The following SMAD5 variants were observed in gnomAD, a reference collection of about 807,000 sequenced individuals.
SMAD5 encodes the protein SMAD family member 5.
A neutral mutation model predicts 43.1 loss-of-function variants in SMAD5; 9 were observed. That is an observed-to-expected ratio of 0.21 (90% CI 0.13 to 0.36). The LOEUF (loss-of-function observed/expected upper bound fraction) is 0.36. SMAD5 is among the 10% of genes least tolerant of loss of function. The pLI, the probability that SMAD5 is intolerant of heterozygous loss-of-function variation, is 1.00. For synonymous variants in SMAD5, 190 were observed against 192.4 expected (o/e 0.99, Z 0.10); for missense variants, 348 against 574.0 (o/e 0.61, Z 4.02).
chr5:136,174,869 G>T (rs1754359818), intron 7 of SMAD5, among the ~76,000 whole-genome samples: 1 of 151,954 alleles, frequency 6.6e-6, no homozygotes, highest in South Asian at 2.1e-4. Context: ...TATTGAATAG[G>T]GGCTGAGATT....
intron 1 of SMAD5, among the ~76,000 whole-genome samples, chr5:136,143,706 A>G (rs1561641559): frequency 1.3e-5 from 2 of 151,584 alleles, no homozygotes; most frequent in South Asian, 4.2e-4. Flanking sequence ...GTCACTCTCA[A>G]AATTTGTGCT....
In SMAD5 at chr5:136,180,580, G is replaced by A. The variant is rs1337954434; in HGVS notation, c.*3100G>A. 1 of 152,178 alleles carries A rather than the reference G, an allele frequency of 6.6e-6. No individual in the cohort carries two copies. The allele number at this position is 152,178 out of a possible 1,614,324, so 9.4% of individuals were successfully genotyped here. ...CAGTATTGCCTGGCTGACGTGAAAT[G>A]TAAACTAGTAGGCGTGTTATTGATC... On this transcript the variant is annotated 3_prime_UTR_variant, in exon 8 of 8. Transcript: ENST00000545279.
At chr5:136,169,484 T>C (rs1580796431) in intron 5 of SMAD5, among the ~76,000 whole-genome samples, 2 of 152,304 alleles carry the variant, frequency 1.3e-5, no homozygotes, top group Middle Eastern at 6.8e-3. Flanking sequence ...CAAATACTAT[T>C]TCATTGTCTT....
At chr5:136,152,423 G>T (rs1363567627) in intron 2 of SMAD5, among the ~76,000 whole-genome samples, 1 of 152,056 alleles carries the variant, frequency 6.6e-6, no homozygotes, top group African/African-American at 2.4e-5. Flanking sequence ...TTATGTTATT[G>T]TCTGGGCTTT....
chr5:136,151,651 C>T (rs1015933591), intron 2 of SMAD5, among the ~76,000 whole-genome samples: 2 of 152,024 alleles, frequency 1.3e-5, no homozygotes, highest in African/African-American at 4.8e-5. Flanking sequence ...TCTTCCTTAA[C>T]TGTCTCTCTG....
chr5:136,136,684 A>G lies in SMAD5; in HGVS notation c.-245+3722A>G, dbSNP rs1260404215. Among the ~76,000 whole-genome samples the G allele has an allele frequency of 2.6e-5, 4 of 152,244 alleles. No homozygotes were observed. In the East Asian group the frequency reaches 7.7e-4, roughly 29 times the overall value. ...TAATTACAGAGTTCTTAGGTTTTTCATAAATAATCAGCTAGTTCTGGGCTA... is the reference window on the plus strand; with the variant it reads ...TAATTACAGAGTTCTTAGGTTTTTCGTAAATAATCAGCTAGTTCTGGGCTA... On this transcript the variant is annotated intron_variant, in intron 1 of 7. Transcript: ENST00000545279.
intron 3 of SMAD5, among the ~76,000 whole-genome samples, chr5:136,155,592 CTG>C (rs1394739885): frequency 6.6e-6 from 1 of 152,206 alleles, no homozygotes; most frequent in African/African-American, 2.4e-5. Context: ...CTGTAAGACT[CTG>C]TATGACCTAT....
chr5:136,153,381 T>C (rs1753530632), intron 2 of SMAD5, among the ~76,000 whole-genome samples: 1 of 152,158 alleles, frequency 6.6e-6, no homozygotes, highest in Non-Finnish European at 1.5e-5. Context: ...CCTCTGGTTA[T>C]CATTTGACAT....
At chr5:136,141,719 C>A (rs1753088534) in intron 1 of SMAD5, among the ~76,000 whole-genome samples, 1 of 152,110 alleles carries the variant, frequency 6.6e-6, no homozygotes, top group African/African-American at 2.4e-5. Context: ...GTAGGTGTAC[C>A]TTATGATAAT....
intron 1 of SMAD5, among the ~76,000 whole-genome samples, chr5:136,140,774 G>A (rs938960248): frequency 9.3e-5 from 14 of 150,434 alleles, no homozygotes; most frequent in African/African-American, 3.2e-4. Flanking sequence ...ACTATATCTC[G>A]TTGGCCTCCT....
At chr5:136,152,553 A>G (rs1580776113) in intron 2 of SMAD5, 1 of 152,194 alleles carries the variant, frequency 6.6e-6, no homozygotes, top group Non-Finnish European at 1.5e-5. Flanking sequence ...GAAAGGAAGC[A>G]TCTTTTGTTA....
chr5:136,162,925 C>T (rs1203064464), intron 4 of SMAD5, among the ~76,000 whole-genome samples: 4 of 152,176 alleles, frequency 2.6e-5, no homozygotes, highest in Non-Finnish European at 5.9e-5. Context: ...TGAGGAAAAT[C>T]TGTACTTCAG....
chr5:136,170,650 T>G (rs1009350647), intron 5 of SMAD5, among the ~76,000 whole-genome samples: 2 of 152,174 alleles, frequency 1.3e-5, no homozygotes, highest in African/African-American at 4.8e-5. Context: ...GCATTATTAC[T>G]CTATAGATTA....
chr5:136,156,671 A>C (rs1312898788), intron 3 of SMAD5, among the ~76,000 whole-genome samples: 1 of 152,186 alleles, frequency 6.6e-6, no homozygotes, highest in East Asian at 1.9e-4. Context: ...CAAGCTTGCT[A>C]TTTGCTAGGA....
chr5:136,148,162 G>A (rs1194642702), intron 2 of SMAD5, among the ~76,000 whole-genome samples: 5 of 151,782 alleles, frequency 3.3e-5, no homozygotes, highest in Non-Finnish European at 5.9e-5. Flanking sequence ...AATGGATCAA[G>A]TGTGAATGGA....
intron 4 of SMAD5, among the ~76,000 whole-genome samples, chr5:136,162,555 T>C (rs1753857512): frequency 6.6e-6 from 1 of 152,202 alleles, no homozygotes; most frequent in Non-Finnish European, 1.5e-5. Context: ...TCAGTGCTAA[T>C]TGTAGTTCTG....
At chr5:136,134,222 T>C (rs1752797303) in intron 1 of SMAD5, 1 of 152,578 alleles carries the variant, frequency 6.6e-6, no homozygotes, top group African/African-American at 2.4e-5. Flanking sequence ...GCAGCAAAGA[T>C]TGAATAGGTG....
rs2149768572 is a variant in SMAD5, at chr5:136,153,696, G to T, written c.-65G>T. Reference sequence around the variant, plus strand: ...AGGACCTGTGTATGACGTTTCACCTGTGATCTGTTCTTTCGGTAGCCACTG... The same window carrying T: ...AGGACCTGTGTATGACGTTTCACCTTTGATCTGTTCTTTCGGTAGCCACTG... On this transcript the variant is annotated 5_prime_UTR_variant, in exon 3 of 8. Coordinates refer to ENST00000545279, the MANE Select transcript of SMAD5 (RefSeq NM_005903.7). 1 of 1,382,476 alleles carries T rather than the reference G, an allele frequency of 7.2e-7. No individual in the cohort carries two copies. 85.6% of individuals were successfully genotyped at this position (1,382,476 alleles called of 1,614,324 possible). A position where few individuals can be genotyped will look rare whatever the true frequency, so the allele number is the denominator to read the frequency against.
intron 5 of SMAD5, among the ~76,000 whole-genome samples, chr5:136,169,133 C>T (rs545230187): frequency 3.3e-5 from 5 of 152,110 alleles, no homozygotes; most frequent in African/African-American, 4.8e-5. Context: ...GCCAAAGGCT[C>T]AAGAGCCCCT....
Sources: gnomAD v4.1 joint callset for allele counts (sites outside exome capture counted in the v4.1 genomes callset) on GRCh38, gnomAD v4.1.1 for gene constraint, MANE v1.5 for transcripts, NCBI Gene and HGNC (gene_info 2026-07-23, HGNC 2026-07-21) for gene names.